The following DENND1B variants were observed in gnomAD, a reference collection of about 807,000 sequenced individuals.
The protein encoded by DENND1B is DENN domain-containing protein 1B.
DENND1B carries 59 observed loss-of-function variants against 90.1 expected under a neutral mutation model. The observed-to-expected ratio is 0.65, with a 90% CI of 0.53 to 0.81. The LOEUF is 0.81. Ranked by LOEUF, DENND1B falls within the 40% of genes least tolerant of loss-of-function variation. The pLI, the probability that DENND1B is intolerant of heterozygous loss-of-function variation, is 0.00. For synonymous variants in DENND1B, 337 were observed against 324.6 expected, an observed-to-expected ratio of 1.04 and a Z score of -0.41; for missense variants, 862 against 912.6, an observed-to-expected ratio of 0.94 and a Z score of 0.71.
intron 3 of DENND1B, among the ~76,000 whole-genome samples, chr1:197,694,223 T>A (rs1014675997): frequency 6.6e-6 from 1 of 150,968 alleles, no homozygotes; most frequent in Non-Finnish European, 1.5e-5. Flanking sequence ...TAAAAAAAAA[T>A]TAGAAAAATT....
chr1:197,706,968 C>T (rs1254157778), intron 3 of DENND1B, among the ~76,000 whole-genome samples: 2 of 152,064 alleles, frequency 1.3e-5, no homozygotes, highest in Non-Finnish European at 2.9e-5. Flanking sequence ...CAAAGAGATA[C>T]ATGTTTATTG....
intron 10 of DENND1B, among the ~76,000 whole-genome samples, chr1:197,624,088 T>C (rs962195241): frequency 4.0e-5 from 6 of 151,508 alleles, no homozygotes; most frequent in Non-Finnish European, 8.9e-5. Flanking sequence ...AAAGTTTCTA[T>C]CGAGAAGCAA....
intron 15 of DENND1B, among the ~76,000 whole-genome samples, chr1:197,553,540 C>T (rs1012489501): frequency 6.6e-6 from 1 of 152,126 alleles, no homozygotes; most frequent in Admixed American, 6.5e-5. Context: ...ACCTGCCTCA[C>T]GGTGTTGCTG....
At chr1:197,644,616 C>T (rs557921749) in intron 9 of DENND1B, among the ~76,000 whole-genome samples, 2 of 146,904 alleles carry the variant, frequency 1.4e-5, no homozygotes, top group Non-Finnish European at 3.1e-5. Context: ...ACTTTAGGAT[C>T]CATTATGTCA....
chr1:197,780,173 C>T (rs1225138979), upstream of DENND1B, among the ~76,000 whole-genome samples: 1 of 152,056 alleles, frequency 6.6e-6, no homozygotes, highest in African/African-American at 2.4e-5. Context: ...TCCTTGAATA[C>T]CTTTGGGGTG....
At chr1:197,627,886 C>T (rs1678924129) in intron 10 of DENND1B, among the ~76,000 whole-genome samples, 1 of 152,058 alleles carries the variant, frequency 6.6e-6, no homozygotes, top group Admixed American at 6.6e-5. Context: ...ACACCAATAA[C>T]AGACAGACAG....
chr1:197,709,984 G>C (rs1659949561), intron 3 of DENND1B, among the ~76,000 whole-genome samples: 1 of 23,476 alleles, frequency 4.3e-5, no homozygotes, highest in Non-Finnish European at 6.8e-5. Context: ...GACAAAGAAG[G>C]CCATTACATA....
chr1:197,671,943 G>C, intron 5 of DENND1B, 94 bp downstream of exon 5: 6 of 1,259,392 alleles, frequency 4.8e-6, no homozygotes, highest in Non-Finnish European at 5.3e-6. Context: ...TGTTTTTAAA[G>C]AAAACAAGTT....
chr1:197,523,973 A>T (rs1449099260), intron 20 of DENND1B, among the ~76,000 whole-genome samples: 3 of 150,988 alleles, frequency 2.0e-5, no homozygotes, highest in Non-Finnish European at 4.4e-5. Context: ...GTCAAGTGAT[A>T]AAAAAAACTC....
At chr1:197,669,625 A>G (rs1655289762) in intron 5 of DENND1B, among the ~76,000 whole-genome samples, 1 of 152,084 alleles carries the variant, frequency 6.6e-6, no homozygotes, top group Admixed American at 6.6e-5. Flanking sequence ...AAATATTAAG[A>G]TATGCCATTA....
At chr1:197,575,734 A>G (rs1045576333) in intron 15 of DENND1B, among the ~76,000 whole-genome samples, 7 of 152,246 alleles carry the variant, frequency 4.6e-5, no homozygotes, top group African/African-American at 1.4e-4. Flanking sequence ...CATATACGTC[A>G]TGGAATACTA....
At chr1:197,527,440 G>A (rs1056274771) in intron 20 of DENND1B, among the ~76,000 whole-genome samples, 1 of 151,332 alleles carries the variant, frequency 6.6e-6, no homozygotes. Context: ...GCATCACTAT[G>A]CCTGGCTAAT....
intron 3 of DENND1B, among the ~76,000 whole-genome samples, chr1:197,676,244 T>C (rs1438339303): frequency 6.6e-6 from 1 of 152,100 alleles, no homozygotes; most frequent in Admixed American, 6.6e-5. Context: ...ACAGGTGCTA[T>C]TGAAACTGAA....
At chr1:197,537,576 A>G (rs1466993798) in intron 20 of DENND1B, among the ~76,000 whole-genome samples, 1 of 152,086 alleles carries the variant, frequency 6.6e-6, no homozygotes, top group Non-Finnish European at 1.5e-5. Context: ...CTTTGCAAAA[A>G]AACAGGTAAG....
At chr1:197,728,533 A>G (rs979781580) in intron 2 of DENND1B, among the ~76,000 whole-genome samples, 24 of 152,144 alleles carry the variant, frequency 1.6e-4, no homozygotes, top group African/African-American at 5.1e-4. Context: ...CACCAATGCT[A>G]AAAGTTTCAG....
chr1:197,577,600 G>T (rs746779356), intron 15 of DENND1B, among the ~76,000 whole-genome samples: 3 of 152,128 alleles, frequency 2.0e-5, no homozygotes, highest in Non-Finnish European at 4.4e-5. Flanking sequence ...GCAATGTACA[G>T]AAGAAAATAA....
chr1:197,649,047 T>A (rs1204403586), intron 7 of DENND1B, among the ~76,000 whole-genome samples: 1 of 152,140 alleles, frequency 6.6e-6, no homozygotes, highest in African/African-American at 2.4e-5. Flanking sequence ...AAACACTGCA[T>A]TAAGTTGTAT....
At chr1:197,723,083 A>G (rs1661327191) in intron 2 of DENND1B, among the ~76,000 whole-genome samples, 1 of 152,226 alleles carries the variant, frequency 6.6e-6, no homozygotes, top group Admixed American at 6.5e-5. Flanking sequence ...ATCACAACTT[A>G]AAACAAGGAA....
chr1:197,734,725 G>A, intron 2 of DENND1B: 1 of 983,986 alleles, frequency 1.0e-6, no homozygotes, highest in Non-Finnish European at 1.2e-6. Context: ...CAGAATTAAA[G>A]AATACATCAT....
Sources: gnomAD v4.1 joint callset for allele counts (sites outside exome capture counted in the v4.1 genomes callset) on GRCh38, gnomAD v4.1.1 for gene constraint, MANE v1.5 for transcripts, NCBI Gene and HGNC (gene_info 2026-07-23, HGNC 2026-07-21) for gene names.